NR3C1: variants seen among roughly 807,000 people sequenced by gnomAD.
NR3C1 encodes glucocorticoid receptor.
In NR3C1, 14 loss-of-function variants were observed where a neutral mutation model predicts 74.0. The observed-to-expected ratio is 0.19, with a 90% CI of 0.12 to 0.30. The LOEUF is 0.30. NR3C1 is among the 10% of genes least tolerant of loss of function. NR3C1 has a pLI of 1.00. For synonymous variants in NR3C1, 308 were observed against 332.5 expected (o/e 0.93, Z 0.80); for missense variants, 695 against 909.8 (o/e 0.76, Z 3.04).
intron 2 of NR3C1, among the ~76,000 whole-genome samples, chr5:143,375,367 GATA>G (rs1347160496): frequency 2.6e-5 from 4 of 152,032 alleles, no homozygotes; most frequent in Non-Finnish European, 5.9e-5. Flanking sequence ...CACACACAAA[GATA>G]CATACACAGA....
chr5:143,334,877 G>A (rs576716331), intron 2 of NR3C1, among the ~76,000 whole-genome samples: 7 of 152,272 alleles, frequency 4.6e-5, no homozygotes, highest in African/African-American at 1.4e-4. Context: ...GGTATAAATA[G>A]TTTATAAGAA....
At chr5:143,294,478 C>G in intron 7 of NR3C1, 1 of 227,540 alleles carries the variant, frequency 4.4e-6, no homozygotes, top group Non-Finnish European at 7.3e-6. Context: ...TCATATACCT[C>G]CTGTCCCACA....
At chr5:143,343,450 T>C (rs6866890) in intron 2 of NR3C1, among the ~76,000 whole-genome samples, 1,988 of 152,314 alleles carry the variant, frequency 0.013, 56 homozygotes, top group African/African-American at 0.046. Flanking sequence ...CAATACTATC[T>C]TAATGAGAAC....
chr5:143,334,548 A>G (rs1185842305), intron 2 of NR3C1, among the ~76,000 whole-genome samples: 34 of 152,056 alleles, frequency 2.2e-4, no homozygotes, highest in Non-Finnish European at 8.8e-5. Context: ...CTAGGGTTTA[A>G]TGTTGGTAAA....
At chr5:143,310,455 CAT>C (rs1820653729) in intron 3 of NR3C1, among the ~76,000 whole-genome samples, 1 of 152,048 alleles carries the variant, frequency 6.6e-6, no homozygotes, top group Non-Finnish European at 1.5e-5. Flanking sequence ...GCAGTATTCA[CAT>C]ATAAAAAAAG....
At chr5:143,391,959 CTTTTCTTTTTT>C (rs1398651513) in intron 2 of NR3C1, among the ~76,000 whole-genome samples, 4 of 151,998 alleles carry the variant, frequency 2.6e-5, no homozygotes, top group South Asian at 2.1e-4. Context: ...TTTTAATTTT[CTTTTCTTTTTT>C]TTTTCTTTTT....
rs1835853854 is a variant in NR3C1 at position 143,379,773 on chromosome 5, T to C, written c.1184+19883A>G. 2.0e-5 allele frequency among the ~76,000 whole-genome samples: 3 copies of C among 152,216 alleles called. No individual in the cohort carries two copies. In the South Asian group the frequency reaches 6.2e-4, roughly 32 times the overall value. ...GTTAAGGGCAGCCTACTTTCACCATTCATTGCTACAGCCAACCAGCCAACT... is the reference window on the plus strand; with the variant it reads ...GTTAAGGGCAGCCTACTTTCACCATCCATTGCTACAGCCAACCAGCCAACT... On this transcript the variant is annotated intron_variant, in intron 2 of 8. Coordinates refer to ENST00000394464, the MANE Select transcript of NR3C1 (RefSeq NM_000176.3).
rs1841226246 is a variant in NR3C1, at chr5:143,409,523, A to G, written c.-13-8671T>C. Among the ~76,000 whole-genome samples, 3 of 152,238 alleles carry G rather than the reference A, an allele frequency of 2.0e-5. No homozygotes were observed. In the South Asian group the frequency reaches 6.2e-4, roughly 32 times the overall value. ...ACACAAACAGCTTTTATTGGTGGTT[A>G]GAACTTACTTTAAAAAATTATTCCT... On this transcript the variant is annotated intron_variant, in intron 1 of 8. Coordinates refer to the NR3C1 transcript ENST00000343796.
At chr5:143,370,687 T>A (rs902830996) in intron 2 of NR3C1, among the ~76,000 whole-genome samples, 6 of 152,224 alleles carry the variant, frequency 3.9e-5, no homozygotes, top group African/African-American at 1.2e-4. Context: ...TATTACTGTT[T>A]CTACTCCTAT....
upstream of NR3C1, among the ~76,000 whole-genome samples, chr5:143,405,937 G>A (rs1243143316): frequency 1.3e-5 from 2 of 151,960 alleles, no homozygotes; most frequent in African/African-American, 2.4e-5. Context: ...GATGTCTTTC[G>A]TTAATTTGGC....
Position 143,433,424 on chromosome 5 carries a change from ATATATATATATAATTTATTTATTTAAAT to A in NR3C1, c.-14+1080_-14+1107del, listed in dbSNP as rs1267625901. Among the ~76,000 whole-genome samples, 482 of 135,912 alleles carry A rather than the reference ATATATATATATAATTTATTTATTTAAAT, an allele frequency of 3.5e-3. 8 individuals are homozygous for A. The highest frequency in any genetic ancestry group is 0.012 in the African/African-American group (437 of 35,280). The allele number at this position is 135,912 out of a possible 152,430, so 89.2% of individuals were successfully genotyped here. A position where few individuals can be genotyped will look rare whatever the true frequency, so the allele number is the denominator to read the frequency against. On this transcript the variant is annotated intron_variant, in intron 1 of 8. Coordinates refer to the NR3C1 transcript ENST00000343796. Reference sequence around the variant, plus strand: ...TATATATAATTTATTTATTTAAATTATATATATATATAATTTATTTATTTAAATTATATATATATATATATATTTAATT... The same window carrying A: ...TATATATAATTTATTTATTTAAATTATATATATATATATATATATTTAATT...
chr5:143,360,386 GC>G (rs980841532), intron 2 of NR3C1, among the ~76,000 whole-genome samples: 1 of 152,128 alleles, frequency 6.6e-6, no homozygotes, highest in Non-Finnish European at 1.5e-5. Context: ...ATAAATGACT[GC>G]CTTTTTTTAG....
chr5:143,337,586 A>C lies in NR3C1; in HGVS notation c.1185-23418T>G, dbSNP rs529053837. The stretch of plus-strand genomic sequence containing the variant: ...AAAACTACAAACTAGTCAAATGTTC[A>C]TAATAGTGGAATGATTTATAAACAT... On this transcript the variant is annotated intron_variant, in intron 2 of 8. Coordinates refer to ENST00000394464, the MANE Select transcript of NR3C1 (RefSeq NM_000176.3). Among the ~76,000 whole-genome samples the C allele has an allele frequency of 6.6e-5, 10 of 152,354 alleles. No individual in the cohort carries two copies. In the South Asian group the frequency reaches 2.1e-3, roughly 32 times the overall value.
At chr5:143,341,521 A>G (rs188780843) in intron 2 of NR3C1, among the ~76,000 whole-genome samples, 18 of 152,376 alleles carry the variant, frequency 1.2e-4, no homozygotes, top group African/African-American at 4.3e-4. Flanking sequence ...GGACATCTGG[A>G]TACATGGCTC....
chr5:143,397,736 T>C (rs1363148148), intron 2 of NR3C1, among the ~76,000 whole-genome samples: 2 of 151,826 alleles, frequency 1.3e-5, no homozygotes, highest in East Asian at 1.9e-4. Context: ...GCCTACTACC[T>C]CCATAAGGTT....
intron 2 of NR3C1, among the ~76,000 whole-genome samples, chr5:143,325,732 G>C (rs1023075404): frequency 6.6e-6 from 1 of 152,140 alleles, no homozygotes; most frequent in South Asian, 2.1e-4. Flanking sequence ...GATTATCTGT[G>C]GTCTGTGGTT....
intron 2 of NR3C1, among the ~76,000 whole-genome samples, chr5:143,320,111 A>C (rs921204827): frequency 6.6e-6 from 1 of 152,218 alleles, no homozygotes; most frequent in Non-Finnish European, 1.5e-5. Context: ...ACACCAGGTG[A>C]TTATATTTTC....
Position 143,400,385 on chromosome 5 carries a change from G to A in NR3C1, c.455C>T (p.Thr152Ile). The part of the protein sequence containing the change: ...SASTAVSAAP[T>I]EKEFPKTHSD... ...GTGAGTTTTTGGAAACTCCTTCTCT[G>A]TGGGGGCAGCAGACACAGCAGTGGA... The change falls in exon 2 of 9, where the codon ACA (threonine) becomes ATA (isoleucine). Residue 152 changes from threonine to isoleucine, a missense_variant. Thr to Ile is a moderately conservative substitution (Grantham distance 89). This residue lies in a region of NR3C1 where 497 missense variants were observed against 489.5 expected (regional missense o/e 1.02). Coordinates refer to ENST00000394464, the MANE Select transcript of NR3C1 (RefSeq NM_000176.3). 1 of 1,614,196 alleles carries A rather than the reference G, an allele frequency of 6.2e-7. No individual in the cohort carries two copies. Among genetic ancestry groups the A allele is most frequent in the African/African-American group, 1.3e-5 (1 of 75,048 alleles).
intron 2 of NR3C1, among the ~76,000 whole-genome samples, chr5:143,376,301 G>A (rs116430173): frequency 6.6e-6 from 1 of 152,330 alleles, no homozygotes; most frequent in African/African-American, 2.4e-5. Flanking sequence ...TTGTTACAGC[G>A]GGAAAGAACT....
Sources: allele counts gnomAD v4.1 joint callset (sites outside exome capture counted in the v4.1 genomes callset), GRCh38; gene constraint gnomAD v4.1.1; regional missense constraint gnomAD v4.1.1; transcripts MANE v1.5; gene names NCBI Gene and HGNC (gene_info 2026-07-23, HGNC 2026-07-21).